Variants in VWA3B observed in about 807,000 individuals in gnomAD.
The protein encoded by VWA3B is von Willebrand factor A domain-containing protein 3B.
In VWA3B, 138 loss-of-function variants were observed where a neutral mutation model predicts 158.3. That is an observed-to-expected ratio of 0.87 (90% CI 0.76 to 1.00). The LOEUF (loss-of-function observed/expected upper bound fraction) is 1.00, where lower values mean the gene tolerates loss of function less well. Ranked by LOEUF, VWA3B falls within the 50% of genes least tolerant of loss-of-function variation. VWA3B has a pLI of 0.00. For synonymous variants in VWA3B, 596 were observed against 587.3 expected (o/e 1.01, Z -0.21); for missense variants, 1,555 against 1,565.1 (o/e 0.99, Z 0.11).
intron 8 of VWA3B, among the ~76,000 whole-genome samples, chr2:98,170,624 G>A (rs1037783629): frequency 8.0e-6 from 1 of 124,462 alleles, no homozygotes; most frequent in African/African-American, 2.7e-5. Flanking sequence ...TTTTTTTTTT[G>A]AGATGGAGTA....
intron 8 of VWA3B, among the ~76,000 whole-genome samples, chr2:98,180,664 G>T (rs895994157): frequency 6.6e-6 from 1 of 152,238 alleles, no homozygotes; most frequent in Non-Finnish European, 1.5e-5. Context: ...TGAAGCCAGA[G>T]CTTCTGACTC....
chr2:98,221,812 A>G (rs1260693842), intron 14 of VWA3B, among the ~76,000 whole-genome samples: 3 of 152,144 alleles, frequency 2.0e-5, no homozygotes, highest in African/African-American at 7.2e-5. Flanking sequence ...CACTCCTCTC[A>G]GGCAGCACCA....
intron 10 of VWA3B, among the ~76,000 whole-genome samples, chr2:98,191,504 G>C (rs1681566911): frequency 6.6e-6 from 1 of 152,144 alleles, no homozygotes; most frequent in African/African-American, 2.4e-5. Context: ...GATCTCTCTA[G>C]GAATTGCTTT....
chr2:98,197,931 A>G (rs1195835212), intron 12 of VWA3B, among the ~76,000 whole-genome samples: 1 of 152,040 alleles, frequency 6.6e-6, no homozygotes, highest in Admixed American at 6.6e-5. Context: ...GGTTATTGCT[A>G]CCGGATTGTA....
At position 98,195,443 on chromosome 2, in the gene VWA3B, TC is replaced by T. The variant is rs547607151; in HGVS notation, c.1737+952del. On this transcript the variant is annotated intron_variant, in intron 12 of 27. Transcript: ENST00000477737. ...TGTTTTTAAAACTGGGAGGCGAAAA[TC>T]TGTTCTATAAGAAATAATAATGCCT... Among the ~76,000 whole-genome samples the T allele has an allele frequency of 2.3e-3, 349 of 152,264 alleles. 2 individuals are homozygous for T. Among genetic ancestry groups the T allele is most frequent in the African/African-American group, 8.1e-3 (337 of 41,550 alleles).
chr2:98,310,005 G>GGACACAAGGA (rs1241903726), intron 26 of VWA3B, among the ~76,000 whole-genome samples: 3 of 152,104 alleles, frequency 2.0e-5, no homozygotes, highest in African/African-American at 7.2e-5. Flanking sequence ...TGGGACAAGG[G>GGACACAAGGA]GACACAAGGA....
intron 12 of VWA3B, among the ~76,000 whole-genome samples, chr2:98,208,166 T>C (rs1683175152): frequency 6.6e-6 from 1 of 152,018 alleles, no homozygotes; most frequent in South Asian, 2.1e-4. Context: ...TTATATAATA[T>C]TAATATACTT....
chr2:98,206,425 C>A, intron 12 of VWA3B: 1 of 279,812 alleles, frequency 3.6e-6, no homozygotes, highest in Non-Finnish European at 7.5e-6. Flanking sequence ...GGCAGGGAGA[C>A]CAGGCTGGTT....
At chr2:98,187,216 C>A (rs1350419972) in intron 9 of VWA3B, among the ~76,000 whole-genome samples, 1 of 152,184 alleles carries the variant, frequency 6.6e-6, no homozygotes, top group Non-Finnish European at 1.5e-5. Flanking sequence ...CCTTGCCTTC[C>A]TCCACGTGTC....
In VWA3B at chr2:98,310,390, A is replaced by T. The variant is rs183234609; in HGVS notation, c.3522-1429A>T. The stretch of plus-strand genomic sequence containing the variant: ...AGCACAGCGCCAGAGTCCTCCAGGC[A>T]GGGGGGTAGGCATCTCCCTACCTTG... On this transcript the variant is annotated intron_variant, in intron 26 of 27. Coordinates refer to ENST00000477737, the MANE Select transcript of VWA3B (RefSeq NM_144992.5). Among the ~76,000 whole-genome samples the T allele has an allele frequency of 7.6e-4, 116 of 152,268 alleles. 1 individual carries two copies. The highest frequency in any genetic ancestry group is 2.6e-3 in the African/African-American group (108 of 41,554).
intron 12 of VWA3B, among the ~76,000 whole-genome samples, chr2:98,198,188 A>G (rs966280279): frequency 3.3e-5 from 5 of 152,136 alleles, no homozygotes; most frequent in Non-Finnish European, 1.5e-5. Context: ...TTCATTTGTA[A>G]TGAACTTATT....
At chr2:98,308,218 C>G (rs916128371) in intron 26 of VWA3B, among the ~76,000 whole-genome samples, 3 of 152,162 alleles carry the variant, frequency 2.0e-5, no homozygotes, top group Non-Finnish European at 4.4e-5. Context: ...CAATGTGAAA[C>G]CAGCTAGGCG....
intron 15 of VWA3B, among the ~76,000 whole-genome samples, chr2:98,229,311 T>A (rs999581736): frequency 6.6e-6 from 1 of 152,204 alleles, no homozygotes; most frequent in African/African-American, 2.4e-5. Flanking sequence ...TTCCTTCTGC[T>A]GTGGGGGGCA....
At chr2:98,109,508 A>G (rs543397209) in intron 2 of VWA3B, among the ~76,000 whole-genome samples, 1 of 152,284 alleles carries the variant, frequency 6.6e-6, no homozygotes, top group African/African-American at 2.4e-5. Context: ...ACATTAGACT[A>G]TGCTAGAATT....
At chr2:98,222,837 A>C (rs1282654735) in intron 14 of VWA3B, among the ~76,000 whole-genome samples, 1 of 152,222 alleles carries the variant, frequency 6.6e-6, no homozygotes, top group Non-Finnish European at 1.5e-5. Flanking sequence ...CTCACATGCT[A>C]AATTTAAGCA....
chr2:98,230,191 G>C lies in VWA3B; in HGVS notation c.2292G>C (p.Lys764Asn). ...TTTCAGATCAAAAGGTTCAGAAAAA[G>C]AAAGTCCTTCACGCAGGTATCAGTG... ...WGLSDQKVQKKKVLHAESTKT... is the reference protein window; with the variant it reads ...WGLSDQKVQKNKVLHAESTKT... Residue 764 changes from lysine to asparagine, a missense_variant, in exon 16 of 28, where the codon AAG (lysine) becomes AAC (asparagine). By Grantham distance (94) the Lys-to-Asn change is moderately conservative. Coordinates refer to ENST00000477737, the MANE Select transcript of VWA3B (RefSeq NM_144992.5). 3.8e-6 allele frequency: 6 copies of C among 1,581,140 alleles called. No homozygotes were observed. The highest frequency in any genetic ancestry group is 3.4e-6 in the Non-Finnish European group (4 of 1,170,646).
At position 98,121,287 on chromosome 2, in the gene VWA3B, G is replaced by T; in HGVS notation, c.543-12G>T. 1.2e-6 allele frequency: 2 copies of T among 1,610,382 alleles called. No homozygotes were observed. The highest frequency in any genetic ancestry group is 2.2e-5 in the South Asian group (2 of 90,966). On this transcript the variant is annotated splice_polypyrimidine_tract_variant and intron_variant, in intron 4 of 27. Coordinates refer to ENST00000477737, the MANE Select transcript of VWA3B (RefSeq NM_144992.5). ...TCACTGCCCAGTGACCACTCCATGT[G>T]ATCCTTTTCAGGGTTTCTCAAGAGC... is the stretch of plus-strand genomic sequence containing the variant.
chr2:98,188,708 G>GT (rs1681333613), intron 10 of VWA3B, among the ~76,000 whole-genome samples: 2 of 152,170 alleles, frequency 1.3e-5, no homozygotes, highest in Non-Finnish European at 2.9e-5. Flanking sequence ...ACTCCATGGT[G>GT]TATATATACC....
the VWA3B span, among the ~76,000 whole-genome samples, chr2:98,321,574 A>G: frequency 6.6e-6 from 1 of 152,208 alleles, no homozygotes; most frequent in African/African-American, 2.4e-5. Context: ...GTGGAGTGAA[A>G]AGACATCATT....
Sources: allele counts gnomAD v4.1 joint callset (sites outside exome capture counted in the v4.1 genomes callset), GRCh38; gene constraint gnomAD v4.1.1; transcripts MANE v1.5; gene names NCBI Gene and HGNC (gene_info 2026-07-23, HGNC 2026-07-21).